GOLPH3: variants seen among roughly 807,000 people sequenced by gnomAD.
GOLPH3 encodes the protein golgi phosphoprotein 3, also known as coat protein GPP34.
In GOLPH3, 14 loss-of-function variants were observed where a neutral mutation model predicts 28.5. The ratio of observed to expected loss-of-function variants is 0.49; its 90% CI spans 0.32 to 0.77. The LOEUF (loss-of-function observed/expected upper bound fraction) is 0.77. Ranked by LOEUF, GOLPH3 falls within the 30% of genes least tolerant of loss-of-function variation. The pLI is 0.03. For missense variants in GOLPH3, 350 were observed against 393.7 expected (o/e 0.89, Z 0.94); for synonymous variants, 158 against 159.2 (o/e 0.99, Z 0.06).
chr5:32,126,482 A>T lies in GOLPH3; in HGVS notation c.627T>A (p.Ile209=). ...GTACTTTCTTGATGAGGCGCTGCTT[A>T]ATGTTGTTATTGGTGAGGGGATGTG... ...MTTHPLTNNN[I]KQRLIKKVQE... is the part of the protein sequence containing the mutation. The change falls in exon 4 of 4, where the codon ATT becomes ATA. Residue 209 remains isoleucine, a synonymous_variant. Transcript: ENST00000265070. 1 of 1,614,132 alleles carries T rather than the reference A, an allele frequency of 6.2e-7. No individual in the cohort carries two copies. The highest frequency in any genetic ancestry group is 8.5e-7 in the Non-Finnish European group (1 of 1,180,028).
chr5:32,157,366 G>A (rs543767065), intron 1 of GOLPH3, among the ~76,000 whole-genome samples: 1 of 152,238 alleles, frequency 6.6e-6, no homozygotes, highest in East Asian at 1.9e-4. Flanking sequence ...CATGTGCAAA[G>A]CACTGTTCTG....
chr5:32,126,235 C>T lies in GOLPH3; in HGVS notation c.874G>A (p.Val292Met), dbSNP rs1365629459. The T allele has an allele frequency of 6.2e-7, 1 of 1,611,186 alleles. No individual in the cohort carries two copies. The highest frequency in any genetic ancestry group is 8.5e-7 in the Non-Finnish European group (1 of 1,177,436). The change falls in exon 4 of 4, where the codon GTG becomes ATG. Residue 292 changes from valine to methionine, a missense_variant. Physicochemically the swap from Val to Met is conservative, Grantham distance 21. Transcript: ENST00000265070. ...AGTTACTTGGTGAACGCCGCCACCA[C>T]CGCCCACAGAACCTCATTGGTGTTG... ...KANTNEVLWAVVAAFTK is the reference protein window; with the variant it reads ...KANTNEVLWAMVAAFTK
chr5:32,127,712 C>T (rs775865419), intron 3 of GOLPH3, among the ~76,000 whole-genome samples: 26 of 152,178 alleles, frequency 1.7e-4, no homozygotes, highest in Admixed American at 1.1e-3. Context: ...TACCATTCAA[C>T]TGGACAGAGA....
intron 1 of GOLPH3, among the ~76,000 whole-genome samples, chr5:32,161,539 C>T (rs1265906866): frequency 1.3e-5 from 2 of 151,076 alleles, no homozygotes; most frequent in East Asian, 3.9e-4. Flanking sequence ...AGCATCAAGG[C>T]GTAATGAAAC....
chr5:32,154,342 G>C (rs959005364), intron 1 of GOLPH3, among the ~76,000 whole-genome samples: 5 of 152,202 alleles, frequency 3.3e-5, no homozygotes, highest in African/African-American at 1.2e-4. Flanking sequence ...ATGAATTTGT[G>C]ATATATGTGC....
At position 32,143,824 on chromosome 5, in the gene GOLPH3, T is replaced by G; in HGVS notation, c.282A>C (p.Leu94Phe). The G allele has an allele frequency of 1.9e-6, 3 of 1,601,956 alleles. No individual in the cohort carries two copies. In the South Asian group the frequency reaches 3.4e-5, roughly 18 times the overall value. The change falls in exon 2 of 4, where the codon TTA becomes TTC. Residue 94 changes from leucine to phenylalanine, a missense_variant. By Grantham distance (22) the Leu-to-Phe change is conservative. Coordinates refer to ENST00000265070, the MANE Select transcript of GOLPH3 (RefSeq NM_022130.4). ...ACCTTCCTCTCAATGCTAATTCAAT[T>G]AACATACAGCCACGTAATCCAGATG... ...CISSGLRGCM[L>F]IELALRGRLQ...
intron 1 of GOLPH3, among the ~76,000 whole-genome samples, chr5:32,164,900 C>CTTTTTT (rs760066281): frequency 3.3e-5 from 4 of 119,812 alleles, no homozygotes; most frequent in Admixed American, 8.5e-5. Flanking sequence ...ATTATGTATT[C>CTTTTTT]TTTTTTTTTT....
intron 1 of GOLPH3, among the ~76,000 whole-genome samples, chr5:32,172,132 ACAG>A (rs1320382580): frequency 6.6e-6 from 1 of 152,228 alleles, no homozygotes; most frequent in Non-Finnish European, 1.5e-5. Flanking sequence ...TTAAACAGGT[ACAG>A]CAGCCCTTTC....
At chr5:32,150,147 CAT>C (rs755110095) in intron 1 of GOLPH3, among the ~76,000 whole-genome samples, 5 of 151,906 alleles carry the variant, frequency 3.3e-5, no homozygotes, top group East Asian at 1.9e-4. Flanking sequence ...ACAAAATACA[CAT>C]GTTAAAATAC....
intron 1 of GOLPH3, among the ~76,000 whole-genome samples, chr5:32,170,423 T>C (rs564729294): frequency 2.6e-5 from 4 of 152,316 alleles, no homozygotes; most frequent in Non-Finnish European, 4.4e-5. Flanking sequence ...ATGATTTGCT[T>C]AAATGTAAAG....
chr5:32,160,591 T>G (rs1028476510), intron 1 of GOLPH3, among the ~76,000 whole-genome samples: 9 of 152,188 alleles, frequency 5.9e-5, no homozygotes, highest in Non-Finnish European at 1.0e-4. Context: ...TGTGCAATAC[T>G]AGGCATTGTG....
chr5:32,146,694 T>C (rs935258642), intron 1 of GOLPH3, among the ~76,000 whole-genome samples: 29 of 152,196 alleles, frequency 1.9e-4, no homozygotes, highest in African/African-American at 7.0e-4. Flanking sequence ...AACAGGGATA[T>C]AACCGGAAGT....
rs1561678985 is a variant in GOLPH3 at position 32,158,111 on chromosome 5, TAAATAAATAAATAAATAAAATACACAC to T, written c.226-14258_226-14232del. Among the ~76,000 whole-genome samples the T allele has an allele frequency of 1.2e-4, 13 of 104,134 alleles. 2 individuals carry two copies. The highest frequency in any genetic ancestry group is 5.5e-4 in the African/African-American group (13 of 23,822). 68.3% of individuals were successfully genotyped at this position (104,134 alleles called of 152,430 possible). A position where few individuals can be genotyped will look rare whatever the true frequency, so the allele number is the denominator to read the frequency against. ...GTCTCAAAATAAATAAATAAATAAA[TAAATAAATAAATAAATAAAATACACAC>T]ACACACACACACACACACACACACA... On this transcript the variant is annotated intron_variant, in intron 1 of 3. Transcript: ENST00000265070.
chr5:32,172,503 TG>T lies in GOLPH3; in HGVS notation c.225+1306del, dbSNP rs1427255785. On this transcript the variant is annotated intron_variant, in intron 1 of 3. Coordinates refer to ENST00000265070, the MANE Select transcript of GOLPH3 (RefSeq NM_022130.4). ...CTAGGTCAAGAGATCGAGACCATCC[TG>T]GCCAACATGGTGAAACCCCGTCTCT... 4.6e-5 allele frequency among the ~76,000 whole-genome samples: 7 copies of T among 152,186 alleles called. No individual in the cohort carries two copies. The South Asian group carries it at 1.2e-3, about 27-fold the overall frequency.
chr5:32,168,833 G>A (rs543397049), intron 1 of GOLPH3, among the ~76,000 whole-genome samples: 4 of 152,224 alleles, frequency 2.6e-5, no homozygotes, highest in South Asian at 4.1e-4. Flanking sequence ...AGAGCCGGTC[G>A]CAGTAATCCC....
At chr5:32,137,157 C>G (rs1000011598) in intron 2 of GOLPH3, among the ~76,000 whole-genome samples, 44 of 151,578 alleles carry the variant, frequency 2.9e-4, no homozygotes, top group Non-Finnish European at 5.9e-4. Flanking sequence ...TGGGGTTTCT[C>G]CATGTTGGTC....
At chr5:32,169,865 C>T (rs1337348912) in intron 1 of GOLPH3, among the ~76,000 whole-genome samples, 1 of 150,364 alleles carries the variant, frequency 6.7e-6, no homozygotes, top group Non-Finnish European at 1.5e-5. Flanking sequence ...CCCAAGTGAG[C>T]ATGAAAATCT....
intron 2 of GOLPH3, among the ~76,000 whole-genome samples, chr5:32,136,154 GAA>G (rs1561660545): frequency 1.3e-5 from 2 of 151,340 alleles, no homozygotes; most frequent in South Asian, 4.2e-4. Context: ...CACCCTGGAC[GAA>G]AGAGTGAGAC....
At position 32,138,460 on chromosome 5, in the gene GOLPH3, T is replaced by C. The variant is rs1327417930; in HGVS notation, c.358-2774A>G. 2.0e-5 allele frequency among the ~76,000 whole-genome samples: 3 copies of C among 152,160 alleles called. No individual in the cohort carries two copies. In the East Asian group the frequency reaches 5.8e-4, roughly 29 times the overall value. On this transcript the variant is annotated intron_variant, in intron 2 of 3. Coordinates refer to ENST00000265070, the MANE Select transcript of GOLPH3 (RefSeq NM_022130.4). ...TGCAGGTTTGTTACGTATATATACA[T>C]GAGCCATGTTGGTGTGCTGCACCCA...
Sources: allele counts gnomAD v4.1 joint callset (sites outside exome capture counted in the v4.1 genomes callset), GRCh38; gene constraint gnomAD v4.1.1; transcripts MANE v1.5; gene names NCBI Gene and HGNC (gene_info 2026-07-23, HGNC 2026-07-21).